Variants in PLA2G4A observed in about 807,000 individuals in gnomAD.
PLA2G4A encodes phospholipase A2 group IVA.
In PLA2G4A, 40 loss-of-function variants were observed where a neutral mutation model predicts 81.9. That is an observed-to-expected ratio of 0.49 (90% CI 0.38 to 0.64). The LOEUF (loss-of-function observed/expected upper bound fraction) is 0.64. Ranked by LOEUF, PLA2G4A falls within the 30% of genes least tolerant of loss-of-function variation. The pLI, the probability that PLA2G4A is intolerant of heterozygous loss-of-function variation, is 0.00. For missense variants in PLA2G4A, 715 were observed against 905.1 expected, an observed-to-expected ratio of 0.79 and a Z score of 2.69; for synonymous variants, 302 against 296.9, an observed-to-expected ratio of 1.02 and a Z score of -0.18.
At chr1:186,917,986 G>A (rs1655201301) in intron 7 of PLA2G4A, among the ~76,000 whole-genome samples, 2 of 152,212 alleles carry the variant, frequency 1.3e-5, no homozygotes, top group African/African-American at 4.8e-5. Flanking sequence ...TAGGTGAGTG[G>A]TTTCGTGCAT....
intron 13 of PLA2G4A, among the ~76,000 whole-genome samples, chr1:186,955,900 AT>A (rs5779313): frequency 4.8e-5 from 7 of 144,882 alleles, no homozygotes; most frequent in African/African-American, 5.1e-5. Context: ...TGACCAGCTA[AT>A]TTTTTTTTTT....
chr1:186,871,172 G>A (rs922705230), intron 3 of PLA2G4A, among the ~76,000 whole-genome samples: 1 of 152,076 alleles, frequency 6.6e-6, no homozygotes, highest in Admixed American at 6.6e-5. Context: ...ACTGGTATAG[G>A]ACAGCCTGAA....
chr1:186,983,048 C>T (rs1333897187), intron 17 of PLA2G4A, among the ~76,000 whole-genome samples: 3 of 145,358 alleles, frequency 2.1e-5, no homozygotes, highest in Non-Finnish European at 3.0e-5. Context: ...CGCACCATTG[C>T]ACTTCAGCCT....
intron 16 of PLA2G4A, 145 bp from the exon 17 acceptor site, chr1:186,979,170 C>T (rs185055861): frequency 4.4e-5 from 30 of 689,310 alleles, no homozygotes; most frequent in South Asian, 3.7e-4. Flanking sequence ...CACACAGACA[C>T]GATAAAAGTC....
chr1:186,850,167 C>T (rs1652323533), intron 1 of PLA2G4A, among the ~76,000 whole-genome samples: 1 of 152,112 alleles, frequency 6.6e-6, no homozygotes, highest in South Asian at 2.1e-4. Flanking sequence ...GTACATTGTA[C>T]TTAGCAAAAG....
intron 2 of PLA2G4A, among the ~76,000 whole-genome samples, chr1:186,868,222 A>G (rs1051401042): frequency 2.0e-5 from 3 of 151,482 alleles, no homozygotes; most frequent in Non-Finnish European, 2.9e-5. Context: ...TTACAGGCAC[A>G]CACCACCATG....
At chr1:186,857,167 A>ATTATAT (rs1474211798) in intron 2 of PLA2G4A, among the ~76,000 whole-genome samples, 13 of 41,492 alleles carry the variant, frequency 3.1e-4, no homozygotes, top group South Asian at 7.0e-4. Flanking sequence ...AATATAATAT[A>ATTATAT]ATTATATAAT....
intron 1 of PLA2G4A, among the ~76,000 whole-genome samples, chr1:186,829,372 A>G (rs1651469352): frequency 1.3e-5 from 2 of 152,174 alleles, no homozygotes; most frequent in African/African-American, 4.8e-5. Context: ...ATGACACCCA[A>G]TGGTTACTGA....
rs758237393 is a variant in PLA2G4A, at chr1:186,979,301, C to T, written c.1961-14C>T. ...TTTCAAAATAACACCCTTTGTGACTCTTCTGGTATTTAGGTGTTCCAAGGG... is the reference window on the plus strand; with the variant it reads ...TTTCAAAATAACACCCTTTGTGACTTTTCTGGTATTTAGGTGTTCCAAGGG... On this transcript the variant is annotated splice_polypyrimidine_tract_variant and intron_variant, in intron 16 of 17. Transcript: ENST00000367466. The T allele has an allele frequency of 3.1e-6, 5 of 1,599,316 alleles. No homozygotes were observed. The highest frequency in any genetic ancestry group is 2.2e-5 in the East Asian group (1 of 44,806).
intron 1 of PLA2G4A, among the ~76,000 whole-genome samples, chr1:186,852,517 C>T (rs1159960064): frequency 6.6e-6 from 1 of 152,000 alleles, no homozygotes; most frequent in Non-Finnish European, 1.5e-5. Context: ...AAGTCCAAGG[C>T]CAAGGAGCCA....
At chr1:186,940,795 T>C (rs1656124782) in intron 10 of PLA2G4A, among the ~76,000 whole-genome samples, 1 of 152,196 alleles carries the variant, frequency 6.6e-6, no homozygotes, top group Non-Finnish European at 1.5e-5. Flanking sequence ...TGATAGAATT[T>C]GCTGAACTCA....
intron 2 of PLA2G4A, among the ~76,000 whole-genome samples, chr1:186,863,793 C>A (rs1267909611): frequency 6.6e-6 from 1 of 150,958 alleles, no homozygotes; most frequent in Non-Finnish European, 1.5e-5. Context: ...CAGAGTCTCC[C>A]TCTTTTGCCC....
intron 5 of PLA2G4A, among the ~76,000 whole-genome samples, chr1:186,900,891 T>C (rs572909283): frequency 1.3e-5 from 2 of 152,340 alleles, no homozygotes; most frequent in East Asian, 3.9e-4. Flanking sequence ...CTGTGGCATC[T>C]ATCTGATTTT....
At chr1:186,986,262 G>A (rs929170678) in intron 17 of PLA2G4A, among the ~76,000 whole-genome samples, 4 of 152,162 alleles carry the variant, frequency 2.6e-5, no homozygotes, top group Admixed American at 2.6e-4. Context: ...AATTCATTAT[G>A]AGGGAATTGA....
At chr1:186,909,271 G>A (rs1216430997) in intron 6 of PLA2G4A, among the ~76,000 whole-genome samples, 9 of 150,996 alleles carry the variant, frequency 6.0e-5, no homozygotes, top group Non-Finnish European at 1.3e-4. Context: ...ACCGCGCCCG[G>A]CCTTTAATTT....
At chr1:186,836,606 T>C (rs1319477400) in intron 1 of PLA2G4A, among the ~76,000 whole-genome samples, 2 of 152,222 alleles carry the variant, frequency 1.3e-5, no homozygotes, top group Non-Finnish European at 2.9e-5. Context: ...CTCTTCTTTT[T>C]CACTTACCAA....
chr1:186,912,386 G>A (rs764129620), intron 7 of PLA2G4A, among the ~76,000 whole-genome samples: 2 of 152,114 alleles, frequency 1.3e-5, no homozygotes, highest in African/African-American at 2.4e-5. Flanking sequence ...GGACAAATGT[G>A]TAATGACATG....
chr1:186,947,010 A>G (rs1656370653), intron 12 of PLA2G4A, 49 bp downstream of exon 12: 1 of 969,904 alleles, frequency 1.0e-6, no homozygotes, highest in African/African-American at 1.6e-5. Flanking sequence ...TACATTGATA[A>G]AGTTTATTGA....
At chr1:186,953,313 G>T (rs1656628810) in intron 13 of PLA2G4A, among the ~76,000 whole-genome samples, 1 of 152,162 alleles carries the variant, frequency 6.6e-6, no homozygotes, top group South Asian at 2.1e-4. Context: ...TTTCTCAAAT[G>T]ACATTTAACT....
Sources: allele counts gnomAD v4.1 joint callset (sites outside exome capture counted in the v4.1 genomes callset), GRCh38; gene constraint gnomAD v4.1.1; transcripts MANE v1.5; gene names NCBI Gene and HGNC (gene_info 2026-07-23, HGNC 2026-07-21).